The following TMTC2 variants were observed in gnomAD, a reference collection of about 807,000 sequenced individuals.
TMTC2 encodes protein O-mannosyl-transferase TMTC2.
TMTC2 carries 43 observed loss-of-function variants against 82.4 expected under a neutral mutation model. The ratio of observed to expected loss-of-function variants is 0.52; its 90% confidence interval spans 0.41 to 0.67. The LOEUF is 0.67. Ranked by LOEUF, TMTC2 falls within the 30% of genes least tolerant of loss-of-function variation. TMTC2 has a pLI of 0.00. For missense variants in TMTC2, 919 were observed against 1,012.4 expected (o/e 0.91, Z 1.25); for synonymous variants, 408 against 381.9 (o/e 1.07, Z -0.80).
chr12:82,866,189 C>CAA (rs369516024), intron 2 of TMTC2, among the ~76,000 whole-genome samples: 24 of 121,556 alleles, frequency 2.0e-4, no homozygotes, highest in East Asian at 6.5e-4. Flanking sequence ...GATAGAGACA[C>CAA]AAAAAAAACC....
intron 8 of TMTC2, among the ~76,000 whole-genome samples, chr12:83,011,262 G>A (rs1226333360): frequency 6.6e-6 from 1 of 152,200 alleles, no homozygotes; most frequent in Non-Finnish European, 1.5e-5. Flanking sequence ...ATGAACGCTA[G>A]TTCTAGACTG....
Position 83,035,659 on chromosome 12 carries a change from T to C in TMTC2, c.2152+4780T>C, listed in dbSNP as rs567908680. ...TGAAGCAAATTATATAAAGTCTTTA[T>C]TGAATTCAGTTTATAAATCTCAAAG... On this transcript the variant is annotated intron_variant, in intron 9 of 11. Coordinates refer to ENST00000321196, the MANE Select transcript of TMTC2 (RefSeq NM_152588.3). Among the ~76,000 whole-genome samples the C allele has an allele frequency of 3.9e-4, 60 of 152,300 alleles. No individual in the cohort carries two copies. The East Asian group carries it at 4.2e-3, about 11-fold the overall frequency.
chr12:83,000,527 C>G (rs976875427), intron 8 of TMTC2, among the ~76,000 whole-genome samples: 3 of 152,214 alleles, frequency 2.0e-5, no homozygotes, highest in African/African-American at 7.2e-5. Flanking sequence ...TTCCTCTGGT[C>G]TTGGGCAGCT....
chr12:82,761,764 G>T (rs1301859245), intron 1 of TMTC2, among the ~76,000 whole-genome samples: 1 of 152,092 alleles, frequency 6.6e-6, no homozygotes, highest in African/African-American at 2.4e-5. Flanking sequence ...TGAAGGGTTT[G>T]CAGTGCAACC....
At chr12:82,968,778 A>C (rs906050376) in intron 7 of TMTC2, among the ~76,000 whole-genome samples, 3 of 152,162 alleles carry the variant, frequency 2.0e-5, no homozygotes, top group African/African-American at 7.2e-5. Flanking sequence ...CTCAGCTCAC[A>C]CAGGCAGCAA....
intron 1 of TMTC2, among the ~76,000 whole-genome samples, chr12:82,829,104 A>T (rs1388957449): frequency 2.0e-5 from 3 of 152,154 alleles, no homozygotes. Context: ...GTAAGTCTTA[A>T]AACACTTTTA....
At chr12:82,819,909 A>G (rs965559726) in intron 1 of TMTC2, among the ~76,000 whole-genome samples, 1 of 152,164 alleles carries the variant, frequency 6.6e-6, no homozygotes, top group African/African-American at 2.4e-5. Context: ...GACTCACACA[A>G]TCACAAGGTG....
At chr12:82,707,065 T>C (rs957999495) in intron 1 of TMTC2, among the ~76,000 whole-genome samples, 1 of 152,244 alleles carries the variant, frequency 6.6e-6, no homozygotes, top group African/African-American at 2.4e-5. Context: ...TGTCTCAATA[T>C]GTTTGAGCTG....
At chr12:83,104,907 T>C (rs1177666386) in intron 11 of TMTC2, among the ~76,000 whole-genome samples, 1 of 152,220 alleles carries the variant, frequency 6.6e-6, no homozygotes, top group East Asian at 1.9e-4. Flanking sequence ...CTTCCAACTT[T>C]ATGTCATTTC....
At chr12:82,766,089 G>A (rs1486493555) in intron 1 of TMTC2, among the ~76,000 whole-genome samples, 1 of 152,168 alleles carries the variant, frequency 6.6e-6, no homozygotes, top group Non-Finnish European at 1.5e-5. Flanking sequence ...TTAAAAGACT[G>A]CTTTGGATCC....
chr12:82,862,304 A>C (rs538826029), intron 2 of TMTC2, among the ~76,000 whole-genome samples: 2 of 152,312 alleles, frequency 1.3e-5, no homozygotes, highest in East Asian at 3.9e-4. Context: ...AACGTCAGTC[A>C]TTGCTTGCCT....
At chr12:82,772,994 T>G (rs1259863033) in intron 1 of TMTC2, among the ~76,000 whole-genome samples, 1 of 152,212 alleles carries the variant, frequency 6.6e-6, no homozygotes, top group Non-Finnish European at 1.5e-5. Flanking sequence ...TGAAAGGTAT[T>G]TTTTGTTTGT....
At chr12:82,790,782 G>A (rs1403515966) in intron 1 of TMTC2, among the ~76,000 whole-genome samples, 8 of 150,232 alleles carry the variant, frequency 5.3e-5, no homozygotes, top group African/African-American at 1.2e-4. Context: ...AGCTGAGATC[G>A]CGCCTTTGCA....
intron 11 of TMTC2, among the ~76,000 whole-genome samples, chr12:83,103,962 CA>C (rs1400779316): frequency 1.3e-5 from 2 of 152,232 alleles, no homozygotes; most frequent in African/African-American, 2.4e-5. Flanking sequence ...ATTCCCATTC[CA>C]AAAAAAGAGA....
At chr12:82,947,398 A>G (rs1167409808) in intron 4 of TMTC2, among the ~76,000 whole-genome samples, 2 of 144,118 alleles carry the variant, frequency 1.4e-5, no homozygotes, top group East Asian at 2.1e-4. Context: ...GCTGGAGTGC[A>G]GTGGCGCGAT....
intron 1 of TMTC2, among the ~76,000 whole-genome samples, chr12:82,703,659 T>C (rs1420475874): frequency 2.0e-5 from 3 of 151,894 alleles, no homozygotes; most frequent in Admixed American, 1.3e-4. Flanking sequence ...CCACCGTGCC[T>C]AGCTAATTTT....
intron 1 of TMTC2, among the ~76,000 whole-genome samples, chr12:82,822,985 G>A (rs1869203338): frequency 6.6e-6 from 1 of 152,144 alleles, no homozygotes; most frequent in Admixed American, 6.5e-5. Flanking sequence ...AAAAGAGGAT[G>A]GAGGGCATTT....
At chr12:83,005,679 C>G (rs1482820669) in intron 8 of TMTC2, among the ~76,000 whole-genome samples, 2 of 152,190 alleles carry the variant, frequency 1.3e-5, no homozygotes, top group Non-Finnish European at 2.9e-5. Context: ...GATCGAGCAC[C>G]AGCTGTGCTT....
intron 11 of TMTC2, among the ~76,000 whole-genome samples, chr12:83,103,690 C>T (rs2164088): frequency 0.082 from 12,554 of 152,176 alleles, 691 homozygotes; most frequent in African/African-American, 0.13. Flanking sequence ...AGTATTCTGC[C>T]TCTGGGTCCC....
Sources: allele counts gnomAD v4.1 joint callset (sites outside exome capture counted in the v4.1 genomes callset), GRCh38; gene constraint gnomAD v4.1.1; transcripts MANE v1.5; gene names NCBI Gene and HGNC (gene_info 2026-07-23, HGNC 2026-07-21).